The following ZNF124 variants were observed in gnomAD, a reference collection of about 807,000 sequenced individuals.
ZNF124 encodes the protein zinc finger protein HZF-16.
Under a neutral mutation model 26.6 loss-of-function variants are expected in ZNF124, and 25 were observed. That is an observed-to-expected ratio of 0.94 (90% CI 0.68 to 1.31). The LOEUF (loss-of-function observed/expected upper bound fraction) is 1.31. Ranked by LOEUF, ZNF124 falls within the 40% of genes most tolerant of loss-of-function variation. The pLI, the probability that ZNF124 is intolerant of heterozygous loss-of-function variation, is 0.00. For synonymous variants in ZNF124, 129 were observed against 133.3 expected, an observed-to-expected ratio of 0.97 and a Z score of 0.22; for missense variants, 444 against 422.2, an observed-to-expected ratio of 1.05 and a Z score of -0.45.
rs1360833005 is a variant in ZNF124 at position 247,156,172 on chromosome 1, T to C, written c.*394A>G. 34 of 992,732 alleles carry C rather than the reference T, an allele frequency of 3.4e-5. No homozygotes were observed. The highest frequency in any genetic ancestry group is 3.8e-5 in the Non-Finnish European group (32 of 835,384). 61.5% of individuals were successfully genotyped at this position (992,732 alleles called of 1,614,324 possible). A position where few individuals can be genotyped will look rare whatever the true frequency, so the allele number is the denominator to read the frequency against. ...AATCTGGTGGGCATTCTTTTATTTA[T>C]AAGGTCAATCTGGAGTATGTGTTAC... On this transcript the variant is annotated 3_prime_UTR_variant, in exon 4 of 4. Transcript: ENST00000543802.
rs1673329589 is a variant in ZNF124, at chr1:247,159,086, A to G, written c.158-20T>C. The G allele has an allele frequency of 6.2e-7, 1 of 1,601,362 alleles. No homozygotes were observed. The highest frequency in any genetic ancestry group is 8.5e-7 in the Non-Finnish European group (1 of 1,173,618). On this transcript the variant is annotated intron_variant, in intron 2 of 3. Coordinates refer to ENST00000543802, the MANE Select transcript of ZNF124 (RefSeq NM_001297568.2). ...TGTTTCCTAAAATGTAGACCCAGAA[A>G]TATATTACAAATTATTTGAAATTAT...
chr1:247,153,048 G>A (rs557681612), downstream of ZNF124, among the ~76,000 whole-genome samples: 1 of 151,450 alleles, frequency 6.6e-6, no homozygotes, highest in African/African-American at 2.4e-5. Context: ...CAGGAGAATC[G>A]CTTGAACCCG....
At position 247,168,394 on chromosome 1, in the gene ZNF124, G is replaced by C. The variant is rs180857281; in HGVS notation, c.30+3454C>G. Among the ~76,000 whole-genome samples the C allele has an allele frequency of 6.6e-6, 1 of 152,150 alleles. No individual in the cohort carries two copies. The highest frequency in any genetic ancestry group is 2.4e-5 in the African/African-American group (1 of 41,426). ...AAATACAAAAAAAATTTAGCTGGGC[G>C]TGATGGTGCATGCCTGTAGTCCCAG... On this transcript the variant is annotated intron_variant, in intron 1 of 3. Transcript: ENST00000543802. This position sits in a 1 kb window ranked among gnomAD's most constrained non-coding sequence, Gnocchi z 4.0.
chr1:247,122,808 G>A (rs1672111928), exon 4 of ZNF124: 1 of 152,242 alleles, frequency 6.6e-6, no homozygotes, highest in Non-Finnish European at 1.5e-5. Flanking sequence ...CCCCAGTTAT[G>A]TTCTCATGTG....
At chr1:247,158,911 G>A in intron 3 of ZNF124, 95 bp downstream of exon 3, 1 of 1,169,354 alleles carries the variant, frequency 8.6e-7, no homozygotes, top group East Asian at 2.5e-5. Context: ...TTACAGGTGT[G>A]AGCCACCATG....
intron 3 of ZNF124, among the ~76,000 whole-genome samples, chr1:247,143,473 C>T (rs1289687924): frequency 3.9e-5 from 6 of 152,112 alleles, no homozygotes; most frequent in South Asian, 2.1e-4. Flanking sequence ...AGAAATCCTG[C>T]CCTCTCTTAA....
intron 3 of ZNF124, among the ~76,000 whole-genome samples, chr1:247,144,351 T>A (rs934589771): frequency 6.6e-6 from 1 of 152,182 alleles, no homozygotes; most frequent in African/African-American, 2.4e-5. Context: ...AATGTTTACA[T>A]AAAACTCAAC....
In ZNF124 at chr1:247,157,252, A is replaced by T; in HGVS notation, c.370T>A (p.Cys124Ser). 6.2e-7 allele frequency: 1 copy of T among 1,613,864 alleles called. No homozygotes were observed. Among genetic ancestry groups the T allele is most frequent in the Non-Finnish European group, 8.5e-7 (1 of 1,179,794 alleles). Residue 124 changes from cysteine to serine, a missense_variant, in exon 4 of 4, where the codon TGT becomes AGT. Coordinates refer to ENST00000543802, the MANE Select transcript of ZNF124 (RefSeq NM_001297568.2). ...TTAAAAACTTTCTCACATATTGTAC[A>T]ACCATAATGTCCATTTCCAGTGTGC... Reference protein sequence around the residue: ...VMHTGNGHYGCTICEKVFNIP... With the variant: ...VMHTGNGHYGSTICEKVFNIP...
At chr1:247,147,413 G>A (rs937485627) in intron 3 of ZNF124, among the ~76,000 whole-genome samples, 12 of 151,858 alleles carry the variant, frequency 7.9e-5, no homozygotes, top group African/African-American at 2.4e-4. Flanking sequence ...TTTTATTAGA[G>A]ATGGGGTTTC....
At chr1:247,152,812 CAT>C (rs1415833688), downstream of ZNF124, among the ~76,000 whole-genome samples, 1 of 152,126 alleles carries the variant, frequency 6.6e-6, no homozygotes, top group Non-Finnish European at 1.5e-5. Flanking sequence ...AGTGAATAAA[CAT>C]ATGAGCACTG....
At chr1:247,163,022 CCACA>C (rs1218070005) in intron 1 of ZNF124, among the ~76,000 whole-genome samples, 1 of 152,050 alleles carries the variant, frequency 6.6e-6, no homozygotes, top group African/African-American at 2.4e-5. Context: ...CTAAAATCAA[CCACA>C]CATTCAGCCA....
exon 4 of ZNF124, chr1:247,123,076 G>T (rs1307071895): frequency 6.6e-6 from 1 of 152,156 alleles, no homozygotes; most frequent in Admixed American, 6.5e-5. Flanking sequence ...ACTAAGCATA[G>T]ACAATGTCAG....
chr1:247,150,000 A>G (rs1181295881), downstream of ZNF124: 1 of 152,178 alleles, frequency 6.6e-6, no homozygotes, highest in Non-Finnish European at 1.5e-5. Flanking sequence ...TCACTCCCTC[A>G]AGTCCTTTTA....
At chr1:247,142,697 C>G (rs1672658678) in intron 3 of ZNF124, among the ~76,000 whole-genome samples, 1 of 152,120 alleles carries the variant, frequency 6.6e-6, no homozygotes. Flanking sequence ...TACACAGAAT[C>G]TAAGACAAGG....
At chr1:247,145,889 C>T (rs941275250) in intron 3 of ZNF124, among the ~76,000 whole-genome samples, 1 of 152,306 alleles carries the variant, frequency 6.6e-6, no homozygotes, top group East Asian at 1.9e-4. Context: ...TCCCAAAGTG[C>T]TGGGATTACA....
rs755727997 is a variant in ZNF124 at position 247,156,570 on chromosome 1, AT to A, written c.1051del (p.Met351CysfsTer19). 11 of 1,528,944 alleles carry A rather than the reference AT, an allele frequency of 7.2e-6. No homozygotes were observed. The highest frequency in any genetic ancestry group is 2.3e-5 in the East Asian group (1 of 44,260). 94.7% of individuals were successfully genotyped at this position (1,528,944 alleles called of 1,614,324 possible). On this transcript the variant is annotated frameshift_variant, in exon 4 of 4. Coordinates refer to ENST00000543802, the MANE Select transcript of ZNF124 (RefSeq NM_001297568.2). LOFTEE classifies it high-confidence loss of function. ...TGEKPYKCKK[M>X] ...AAACTGTAGTGATTAAAGCCTTTAC[AT>A]TTTTTTACATTTATAGGGCTTTTCT...
chr1:247,142,867 T>C (rs575617151), intron 3 of ZNF124, among the ~76,000 whole-genome samples: 151 of 152,142 alleles, frequency 9.9e-4, no homozygotes, highest in African/African-American at 3.5e-3. Context: ...ATATATTCTA[T>C]TGGCATTTTA....
At chr1:247,126,305 A>G (rs1572054012) in intron 3 of ZNF124, among the ~76,000 whole-genome samples, 2 of 108,710 alleles carry the variant, frequency 1.8e-5, no homozygotes, top group South Asian at 7.5e-4. Flanking sequence ...GGGAGCTGTC[A>G]CCTGTCACTA....
intron 3 of ZNF124, among the ~76,000 whole-genome samples, chr1:247,130,194 AAG>A (rs1672303849): frequency 6.6e-6 from 1 of 152,232 alleles, no homozygotes; most frequent in Non-Finnish European, 1.5e-5. Flanking sequence ...AAGGCCAAGA[AAG>A]AGGTGTATAT....
Sources: allele counts gnomAD v4.1 joint callset (sites outside exome capture counted in the v4.1 genomes callset), GRCh38; gene constraint gnomAD v4.1.1; non-coding constraint Gnocchi (gnomAD v3.1); transcripts MANE v1.5; gene names NCBI Gene and HGNC (gene_info 2026-07-23, HGNC 2026-07-21).